Variants in PKHD1 observed in about 807,000 individuals in gnomAD.
PKHD1 encodes PKHD1 ciliary IPT domain containing fibrocystin/polyductin, also known as fibrocystin.
Under a neutral mutation model 412.0 loss-of-function variants are expected in PKHD1, and 291 were observed. The ratio of observed to expected loss-of-function variants is 0.71; its 90% CI spans 0.64 to 0.78. The LOEUF is 0.78. Ranked by LOEUF, PKHD1 falls within the 30% of genes least tolerant of loss-of-function variation. PKHD1 has a pLI of 0.00. For synonymous variants in PKHD1, 1,777 were observed against 1,821.5 expected (o/e 0.98, Z 0.62); for missense variants, 4,825 against 4,950.7 (o/e 0.97, Z 0.76).
chr6:51,844,826 CA>C (rs1316269745), intron 50 of PKHD1, among the ~76,000 whole-genome samples: 1 of 152,004 alleles, frequency 6.6e-6, no homozygotes, highest in Non-Finnish European at 1.5e-5. Flanking sequence ...GCCACACCCC[CA>C]AAAAAATCTA....
rs904676119 is a variant in PKHD1 at position 52,010,610 on chromosome 6, T to C, written c.5601-151A>G. 3 of 679,090 alleles carry C rather than the reference T, an allele frequency of 4.4e-6. No homozygotes were observed. The African/African-American group carries it at 5.4e-5, about 12-fold the overall frequency. 42.1% of individuals were successfully genotyped at this position (679,090 alleles called of 1,614,324 possible). On this transcript the variant is annotated intron_variant, in intron 34 of 66. Coordinates refer to ENST00000371117, the MANE Select transcript of PKHD1 (RefSeq NM_138694.4). ...GCAAATTTCTGTAATTTTGTTTCCA[T>C]TCTTTTATTGTTTATTTGTTTTTCC...
At chr6:51,640,406 C>A (rs964762497) in intron 63 of PKHD1, among the ~76,000 whole-genome samples, 2 of 152,206 alleles carry the variant, frequency 1.3e-5, no homozygotes, top group African/African-American at 4.8e-5. Context: ...CTATGATATT[C>A]TCAGATTTGA....
intron 53 of PKHD1, among the ~76,000 whole-genome samples, chr6:51,784,896 G>A (rs1369830950): frequency 6.6e-6 from 1 of 152,120 alleles, no homozygotes; most frequent in Non-Finnish European, 1.5e-5. Context: ...TGTTAGAAAG[G>A]TCTTTACTAT....
At chr6:51,792,703 T>C (rs999168277) in intron 52 of PKHD1, among the ~76,000 whole-genome samples, 5 of 152,192 alleles carry the variant, frequency 3.3e-5, no homozygotes, top group Admixed American at 3.3e-4. Flanking sequence ...TCCCCTTTTC[T>C]CTCAGTTAGA....
At chr6:51,961,572 AAAT>A (rs1440780062) in intron 35 of PKHD1, among the ~76,000 whole-genome samples, 2 of 152,136 alleles carry the variant, frequency 1.3e-5, no homozygotes, top group Non-Finnish European at 2.9e-5. Context: ...TAGGTTGGTA[AAAT>A]AATAAACAGT....
intron 55 of PKHD1, among the ~76,000 whole-genome samples, chr6:51,762,880 A>G (rs975316083): frequency 1.3e-5 from 2 of 152,048 alleles, no homozygotes; most frequent in Non-Finnish European, 2.9e-5. Flanking sequence ...TAGTTATGTA[A>G]TATGCTATCA....
intron 60 of PKHD1, among the ~76,000 whole-genome samples, chr6:51,707,560 C>T (rs1380934115): frequency 6.6e-6 from 1 of 152,144 alleles, no homozygotes; most frequent in Non-Finnish European, 1.5e-5. Context: ...GATCCTTTCC[C>T]CAACTCCAGC....
chr6:51,904,376 G>A (rs564397963), intron 41 of PKHD1, among the ~76,000 whole-genome samples: 1 of 152,216 alleles, frequency 6.6e-6, no homozygotes, highest in East Asian at 1.9e-4. Flanking sequence ...CTATCTGCAT[G>A]CCCTCACCTT....
At chr6:51,844,898 T>C (rs1345009194) in intron 50 of PKHD1, among the ~76,000 whole-genome samples, 1 of 152,230 alleles carries the variant, frequency 6.6e-6, no homozygotes, top group African/African-American at 2.4e-5. Flanking sequence ...AATAAATTTC[T>C]GTATACACAC....
At chr6:51,675,504 T>C (rs1775694436) in intron 60 of PKHD1, among the ~76,000 whole-genome samples, 1 of 152,190 alleles carries the variant, frequency 6.6e-6, no homozygotes, top group Non-Finnish European at 1.5e-5. Context: ...AATTTACCAC[T>C]AAACACGTTT....
intron 60 of PKHD1, among the ~76,000 whole-genome samples, chr6:51,738,983 C>G (rs1206580505): frequency 6.6e-6 from 1 of 151,210 alleles, no homozygotes; most frequent in Admixed American, 6.6e-5. Context: ...GTATTTTTTC[C>G]ATCCTTCTCA....
At chr6:51,725,653 G>A (rs964987726) in intron 60 of PKHD1, among the ~76,000 whole-genome samples, 5 of 152,140 alleles carry the variant, frequency 3.3e-5, no homozygotes, top group Admixed American at 2.0e-4. Flanking sequence ...TGGAAACAAC[G>A]AGGAACAATT....
chr6:51,632,768 T>C (rs577212604), intron 64 of PKHD1, 45 bp from the exon 65 acceptor site: 2 of 1,489,776 alleles, frequency 1.3e-6, no homozygotes, highest in Non-Finnish European at 1.9e-6. Context: ...GTTAATAAGA[T>C]GCTAATATAA....
chr6:51,943,572 T>A (rs1788935516), intron 36 of PKHD1, among the ~76,000 whole-genome samples: 1 of 151,596 alleles, frequency 6.6e-6, no homozygotes, highest in Admixed American at 6.6e-5. Flanking sequence ...CTTAACTCCC[T>A]CTTAAAGTAA....
intron 19 of PKHD1, 62 bp from the exon 20 acceptor site, chr6:52,054,227 C>T (rs1581982685): frequency 3.9e-6 from 6 of 1,544,418 alleles, no homozygotes; most frequent in East Asian, 4.5e-5. Context: ...TCAAACAATA[C>T]GTAGTGAGGA....
At chr6:51,998,633 T>C (rs1293897491) in intron 35 of PKHD1, among the ~76,000 whole-genome samples, 1 of 152,198 alleles carries the variant, frequency 6.6e-6, no homozygotes, top group Non-Finnish European at 1.5e-5. Context: ...AATCAAGGCA[T>C]GCCTTTCCTG....
chr6:51,733,789 T>C (rs561591096), intron 60 of PKHD1, among the ~76,000 whole-genome samples: 1 of 152,280 alleles, frequency 6.6e-6, no homozygotes, highest in South Asian at 2.1e-4. Flanking sequence ...TTATACTCTG[T>C]CATGCCAAAA....
chr6:51,763,577 T>G (rs1392777936), intron 55 of PKHD1, among the ~76,000 whole-genome samples: 2 of 152,138 alleles, frequency 1.3e-5, no homozygotes, highest in East Asian at 3.9e-4. Flanking sequence ...GAAAAGCACT[T>G]TAAATTCAAC....
chr6:51,781,195 T>C (rs1243016452), intron 53 of PKHD1, among the ~76,000 whole-genome samples: 2 of 152,148 alleles, frequency 1.3e-5, no homozygotes, highest in African/African-American at 4.8e-5. Flanking sequence ...CAGCACATAT[T>C]TTTTTCTGAA....
Sources: allele counts gnomAD v4.1 joint callset (sites outside exome capture counted in the v4.1 genomes callset), GRCh38; gene constraint gnomAD v4.1.1; transcripts MANE v1.5; gene names NCBI Gene and HGNC (gene_info 2026-07-23, HGNC 2026-07-21).